Variants in ERP27 observed in about 807,000 individuals in gnomAD.
ERP27 encodes endoplasmic reticulum resident protein 27.
A neutral mutation model predicts 27.7 loss-of-function variants in ERP27; 23 were observed. The observed-to-expected ratio is 0.83, with a 90% CI of 0.60 to 1.18. The LOEUF is 1.18. Among genes scored for constraint, ERP27 ranks in the 50% most tolerant of loss-of-function variants. The pLI is 0.00. For missense variants in ERP27, 363 were observed against 327.9 expected, an observed-to-expected ratio of 1.11 and a Z score of -0.83; for synonymous variants, 159 against 118.3, an observed-to-expected ratio of 1.34 and a Z score of -2.23.
chr12:14,914,477 G>A lies in ERP27; in HGVS notation c.*258C>T. ...ACAGAGTATGAATGCACGATAAGAA[G>A]GAAATTGGATAGGGAGTGAGGATAT... On this transcript the variant is annotated 3_prime_UTR_variant, in exon 7 of 7. Transcript: ENST00000266397. The A allele has an allele frequency of 2.1e-6, 1 of 476,688 alleles. No homozygotes were observed. Among genetic ancestry groups the A allele is most frequent in the Non-Finnish European group, 3.7e-6 (1 of 270,030 alleles). 29.5% of individuals were successfully genotyped at this position (476,688 alleles called of 1,614,324 possible).
At chr12:14,928,971 T>A (rs1479142544) in intron 3 of ERP27, 9 of 1,535,202 alleles carry the variant, frequency 5.9e-6, no homozygotes, top group African/African-American at 1.4e-5. Flanking sequence ...CAAGTCTCCT[T>A]CATACTTAAG....
chr12:14,934,834 T>A, intron 3 of ERP27, 22 bp downstream of exon 3: 1 of 1,613,512 alleles, frequency 6.2e-7, no homozygotes, highest in South Asian at 1.1e-5. Context: ...GGGAGAAAGC[T>A]CAAGCTACCC....
chr12:14,934,881 C>G lies in ERP27; in HGVS notation c.308G>C (p.Gly103Ala), dbSNP rs780968465. The G allele has an allele frequency of 6.2e-7, 1 of 1,613,982 alleles. No homozygotes were observed. The highest frequency in any genetic ancestry group is 8.5e-7 in the Non-Finnish European group (1 of 1,179,926). Residue 103 changes from glycine (G) to alanine (A), a missense_variant, in exon 3 of 7, where the codon GGG (glycine) becomes GCG (alanine). Physicochemically the swap from Gly to Ala is moderately conservative, Grantham distance 60 (BLOSUM62 0). Coordinates refer to ENST00000266397, the MANE Select transcript of ERP27 (RefSeq NM_152321.4). ...SEVLTHYNITGNTICLFRLVD... is the reference protein window; with the variant it reads ...SEVLTHYNITANTICLFRLVD... ...CAGGCGAAAGAGGCAGATGGTGTTC[C>G]CAGTGATGTTGTAGTGTGTCAGAAC...
chr12:14,937,815 T>G (rs1863793821), intron 2 of ERP27, 137 bp downstream of exon 2: 1 of 660,418 alleles, frequency 1.5e-6, no homozygotes, highest in Admixed American at 2.4e-5. Context: ...ATGGACAAGA[T>G]GAAATCAAAC....
intron 3 of ERP27, among the ~76,000 whole-genome samples, chr12:14,925,220 AC>A (rs1330798585): frequency 6.6e-6 from 1 of 152,092 alleles, no homozygotes; most frequent in African/African-American, 2.4e-5. Context: ...CTGGATCAGG[AC>A]CCCTTTTCAC....
At chr12:14,937,210 A>G (rs1313607852) in intron 2 of ERP27, among the ~76,000 whole-genome samples, 1 of 152,214 alleles carries the variant, frequency 6.6e-6, no homozygotes, top group Non-Finnish European at 1.5e-5. Flanking sequence ...CCAACTGTGT[A>G]CGCAGAACTG....
rs768178757 is a variant in ERP27, at chr12:14,936,215, A to G, written c.196-1222T>C. ...AAAAGAAAAAAAGAAGAAAAATAAA[A>G]CAATTAAAATGAAAGCTTAGAAGTT... On this transcript the variant is annotated intron_variant, in intron 2 of 6. Transcript: ENST00000266397. Among the ~76,000 whole-genome samples the G allele has an allele frequency of 7.9e-5, 12 of 152,202 alleles. No homozygotes were observed. The South Asian group carries it at 1.9e-3, about 24-fold the overall frequency.
chr12:14,931,640 A>G (rs931886837), intron 3 of ERP27, among the ~76,000 whole-genome samples: 3 of 152,170 alleles, frequency 2.0e-5, no homozygotes, highest in African/African-American at 4.8e-5. Context: ...GTTAAAGAAG[A>G]CTGAAAAACT....
At chr12:14,931,072 T>A (rs1195965522) in intron 3 of ERP27, among the ~76,000 whole-genome samples, 2 of 152,226 alleles carry the variant, frequency 1.3e-5, no homozygotes, top group African/African-American at 4.8e-5. Flanking sequence ...GGGTATGATT[T>A]GTAGACAGCA....
chr12:14,927,129 C>T (rs1252004302), intron 3 of ERP27, among the ~76,000 whole-genome samples: 1 of 152,100 alleles, frequency 6.6e-6, no homozygotes, highest in Admixed American at 6.6e-5. Flanking sequence ...ATTGAGAAGT[C>T]AGCTGTGAAC....
At chr12:14,923,486 ATAATCAATCT>A (rs1565450634) in intron 3 of ERP27, among the ~76,000 whole-genome samples, 49 of 118,344 alleles carry the variant, frequency 4.1e-4, no homozygotes, top group African/African-American at 1.6e-3. Flanking sequence ...CTATCTATCT[ATAATCAATCT>A]ATCTATCTAT....
intron 3 of ERP27, among the ~76,000 whole-genome samples, chr12:14,923,497 ATCTATCT>A (rs1565450693): frequency 4.8e-5 from 7 of 147,326 alleles, no homozygotes; most frequent in African/African-American, 1.5e-4. Flanking sequence ...TAATCAATCT[ATCTATCT>A]ATCTATCTAT....
At chr12:14,922,734 A>G (rs1003919708) in intron 3 of ERP27, among the ~76,000 whole-genome samples, 1 of 152,216 alleles carries the variant, frequency 6.6e-6, no homozygotes, top group South Asian at 2.1e-4. Context: ...GTCTTTCACA[A>G]TAGATCTAAA....
At chr12:14,938,131 T>C in intron 1 of ERP27, 79 bp from the exon 2 acceptor site, 1 of 1,187,484 alleles carries the variant, frequency 8.4e-7, no homozygotes, top group South Asian at 1.3e-5. Context: ...CTATACCTTT[T>C]ATCTCTATAC....
intron 3 of ERP27, among the ~76,000 whole-genome samples, chr12:14,923,777 T>C (rs1200099932): frequency 2.0e-5 from 3 of 152,204 alleles, no homozygotes; most frequent in Non-Finnish European, 4.4e-5. Flanking sequence ...GATGTTTCAA[T>C]ACATGTATAC....
At chr12:14,917,148 T>A (rs781502061) in intron 5 of ERP27, 30 bp downstream of exon 5, 7 of 1,613,536 alleles carry the variant, frequency 4.3e-6, no homozygotes, top group Non-Finnish European at 4.2e-6. Flanking sequence ...GAGGTGTGTA[T>A]GCAATAGGAT....
intron 3 of ERP27, among the ~76,000 whole-genome samples, chr12:14,931,582 G>T (rs958666964): frequency 2.0e-5 from 3 of 152,104 alleles, no homozygotes; most frequent in African/African-American, 7.2e-5. Context: ...GAGGTCCCAA[G>T]AGTTCATTTA....
intron 2 of ERP27, among the ~76,000 whole-genome samples, chr12:14,936,363 G>A (rs1279523551): frequency 6.6e-6 from 1 of 152,176 alleles, no homozygotes. Flanking sequence ...CCTGCAGGAG[G>A]CAGCAGAGAA....
intron 3 of ERP27, chr12:14,928,966 C>T: frequency 6.5e-7 from 1 of 1,535,318 alleles, no homozygotes; most frequent in South Asian, 1.2e-5. Context: ...GCTGGCAAGT[C>T]TCCTTCATAC....
Sources: allele counts gnomAD v4.1 joint callset (sites outside exome capture counted in the v4.1 genomes callset), GRCh38; gene constraint gnomAD v4.1.1; transcripts MANE v1.5; gene names NCBI Gene and HGNC (gene_info 2026-07-23, HGNC 2026-07-21).